Variants in IGSF9 observed in about 807,000 individuals in gnomAD.
IGSF9 encodes the protein protein turtle homolog A.
IGSF9 carries 87 observed loss-of-function variants against 121.7 expected under a neutral mutation model. The ratio of observed to expected loss-of-function variants is 0.71; its 90% CI spans 0.60 to 0.85. The LOEUF is 0.85. IGSF9 is among the 40% of genes least tolerant of loss of function. IGSF9 has a pLI of 0.00. For missense variants in IGSF9, 1,462 were observed against 1,565.3 expected, an observed-to-expected ratio of 0.93 and a Z score of 1.11; for synonymous variants, 640 against 648.4, an observed-to-expected ratio of 0.99 and a Z score of 0.20.
rs1195986934 is a variant in IGSF9 at position 159,930,879 on chromosome 1, G to A, written c.1638-12C>T. 1 of 1,591,282 alleles carries A rather than the reference G, an allele frequency of 6.3e-7. No homozygotes were observed. The highest frequency in any genetic ancestry group is 1.4e-5 in the African/African-American group (1 of 73,942). On this transcript the variant is annotated splice_polypyrimidine_tract_variant and intron_variant, in intron 13 of 20. Transcript: ENST00000368094. ...CAGGACGCTTGGCCCTGGGAGACAT[G>A]AGGACATGGGGGGCACCTCGTGAGC... is the stretch of plus-strand genomic sequence containing the variant.
Position 159,943,060 on chromosome 1 carries a change from G to A in IGSF9, c.150C>T (p.Pro50=). 2.5e-6 allele frequency: 4 copies of A among 1,613,216 alleles called. No individual in the cohort carries two copies. Among genetic ancestry groups the A allele is most frequent in the South Asian group, 1.1e-5 (1 of 90,928 alleles). Residue 50 remains proline (P), a synonymous_variant, in exon 3 of 21, where the codon CCC becomes CCT. Transcript: ENST00000368094. ...GCDLLPPAGR[P]PLHVIEWLRF... is the part of the protein sequence containing the mutation. ...GCAGCCACTCGATGACATGCAGGGG[G>A]GGCCGGCCGGCCGGGGGCAGCAGGT...
chr1:159,928,380 GTCC>G lies in IGSF9; in HGVS notation c.3005_3007del (p.Trp1002_Thr1003delinsSer). On this transcript the variant is annotated inframe_deletion, in exon 19 of 21. Transcript: ENST00000368094. The stretch of plus-strand genomic sequence containing the variant: ...GCCTGGCAGCAGCCGCTCCCTCAGT[GTCC>G]AGTCAGCCAGGGCTGTGTAAGGGGG... The G allele has an allele frequency of 6.2e-7, 1 of 1,609,328 alleles. No homozygotes were observed. The highest frequency in any genetic ancestry group is 8.5e-7 in the Non-Finnish European group (1 of 1,178,020).
rs1301560152 is a variant in IGSF9, at chr1:159,930,674, G to A, written c.1813+18C>T. On this transcript the variant is annotated intron_variant, in intron 14 of 20. Transcript: ENST00000368094. ...CCCCATCCTTGTCTCTGCTGTTCTG[G>A]GACGAGAAGCTTCTCACCTTCCGGA... 2 of 1,613,650 alleles carry A rather than the reference G, an allele frequency of 1.2e-6. No homozygotes were observed. The highest frequency in any genetic ancestry group is 2.2e-5 in the East Asian group (1 of 44,876).
chr1:159,940,656 AGAG>A (rs1338554121), intron 3 of IGSF9, among the ~76,000 whole-genome samples: 2 of 152,248 alleles, frequency 1.3e-5, no homozygotes, highest in African/African-American at 4.8e-5. Flanking sequence ...CTATGAAGCA[AGAG>A]GAGTAAGGAA....
intron 3 of IGSF9, 116 bp downstream of exon 3, chr1:159,942,847 G>T: frequency 2.5e-6 from 2 of 784,810 alleles, no homozygotes; most frequent in Non-Finnish European, 4.2e-6. Context: ...AGGCAGCAGA[G>T]CTGGAGATGA....
chr1:159,928,079 G>A (rs1650809630), intron 19 of IGSF9, 79 bp downstream of exon 19: 5 of 1,536,758 alleles, frequency 3.3e-6, no homozygotes, highest in Non-Finnish European at 3.5e-6. Flanking sequence ...AGCAGAGAAG[G>A]TGCAGGGTAT....
At position 159,936,496 on chromosome 1, in the gene IGSF9, C is replaced by G; in HGVS notation, c.576G>C (p.Arg192=). ...AGCTGCCTCGCTCTACCCGGCGGAT[C>G]CGCAGCGTCCCGTTCTGCACCTAGG... ...GQVQVQNGTL[R]IRRVERGSSG... Residue 192 remains arginine, a synonymous_variant, in exon 6 of 21, where the codon CGG becomes CGC. Coordinates refer to ENST00000368094, the MANE Select transcript of IGSF9 (RefSeq NM_001135050.2). The G allele has an allele frequency of 1.2e-6, 2 of 1,614,004 alleles. No homozygotes were observed. Among genetic ancestry groups the G allele is most frequent in the East Asian group, 4.5e-5 (2 of 44,888 alleles).
Position 159,943,134 on chromosome 1 carries a change from C to T in IGSF9, c.76G>A (p.Val26Met). The change falls in exon 3 of 21, where the codon GTG becomes ATG. Residue 26 changes from valine (V) to methionine (M), a missense_variant. This residue lies in a region of IGSF9 where 558 missense variants were observed against 599.4 expected (regional missense o/e 0.93). Transcript: ENST00000368094. ...CCAGCCCGGCCCACCACCGATACCA[C>T]CTCAGGCTTCCCTCGACCTGCATGA... is the stretch of plus-strand genomic sequence containing the variant. Reference protein sequence around the residue: ...QGADGRGKPEVVSVVGRAGES... With the variant: ...QGADGRGKPEMVSVVGRAGES... 6.3e-7 allele frequency: 1 copy of T among 1,594,986 alleles called. No individual in the cohort carries two copies.
chr1:159,934,277 C>T lies in IGSF9; in HGVS notation c.1017G>A (p.Pro339=), dbSNP rs370169762. The T allele has an allele frequency of 4.8e-5, 77 of 1,613,034 alleles. No individual in the cohort carries two copies. The highest frequency in any genetic ancestry group is 5.4e-5 in the Non-Finnish European group (64 of 1,179,590). ...PPETPLPIGM[P]GVIRCPVRAN... ...CACGAACCGGGCAGCGGATCACCCC[C>T]GGCATGCCTATGGGCAGGGGTGTCT... Residue 339 remains proline, a synonymous_variant, in exon 9 of 21, where the codon CCG becomes CCA. Coordinates refer to ENST00000368094, the MANE Select transcript of IGSF9 (RefSeq NM_001135050.2).
chr1:159,929,805 A>G lies in IGSF9; in HGVS notation c.2159T>C (p.Val720Ala). Residue 720 changes from valine to alanine, a missense_variant, in exon 17 of 21, where the codon GTC becomes GCC. Val to Ala is a moderately conservative substitution (Grantham distance 64, BLOSUM62 0). Transcript: ENST00000368094. ...CGGCAGCTGCGTGCGCGAAGGGTAG[A>G]CCTCCAGACCTAGGCAGGGGTCCAC... The part of the protein sequence containing the change: ...TANVSTSGLE[V>A]YPSRTQLPGL... The G allele has an allele frequency of 6.2e-7, 1 of 1,604,702 alleles. No individual in the cohort carries two copies. Among genetic ancestry groups the G allele is most frequent in the Non-Finnish European group, 8.5e-7 (1 of 1,176,486 alleles).
At chr1:159,934,354 T>G in intron 8 of IGSF9, 22 bp from the exon 9 acceptor site, 1 of 1,574,698 alleles carries the variant, frequency 6.4e-7, no homozygotes, top group Non-Finnish European at 8.6e-7. Flanking sequence ...TAGTGGCAAG[T>G]TGGGGGAGAG....
chr1:159,927,849 G>T lies in IGSF9; in HGVS notation c.3269C>A (p.Ser1090Ter). ...TSVDENYEWD[S>*]EFPGDMELLE... Reference sequence around the variant, plus strand: ...CAATTCCATGTCCCCAGGGAATTCTGAGTCCCACTCATAGTTCTCGTCCAC... The same window carrying T: ...CAATTCCATGTCCCCAGGGAATTCTTAGTCCCACTCATAGTTCTCGTCCAC... Residue 1090 changes from serine to a stop codon, truncating the protein, a stop_gained, in exon 20 of 21, where the codon TCA (serine) becomes TAA (stop). Transcript: ENST00000368094. LOFTEE classifies it high-confidence loss of function. 3 of 1,612,842 alleles carry T rather than the reference G, an allele frequency of 1.9e-6. No homozygotes were observed. The highest frequency in any genetic ancestry group is 2.5e-6 in the Non-Finnish European group (3 of 1,179,690).
At chr1:159,944,073 G>C (rs992535938) in intron 1 of IGSF9, among the ~76,000 whole-genome samples, 4 of 152,168 alleles carry the variant, frequency 2.6e-5, no homozygotes, top group Non-Finnish European at 4.4e-5. Flanking sequence ...ATAGCAGCAA[G>C]ATGGAACCAG....
rs749030074 is a variant in IGSF9, at chr1:159,943,171, A to G, written c.59-20T>C. ...CTCGACCTGCATGATGGGTGGCATG[A>G]GGGCACAACGGGGGGCTAGGGTCAG... is the stretch of plus-strand genomic sequence containing the variant. On this transcript the variant is annotated intron_variant, in intron 2 of 20. Transcript: ENST00000368094. 1 of 1,575,154 alleles carries G rather than the reference A, an allele frequency of 6.3e-7. No individual in the cohort carries two copies. Among genetic ancestry groups the G allele is most frequent in the Admixed American group, 2.0e-5 (1 of 49,968 alleles).
rs980050293 is a variant in IGSF9, at chr1:159,936,618, G to A, written c.556-102C>T. ...AGGGAGGCAGCACCCCAGGCTCGGG[G>A]CAAACAATGCCAAGCCCTTCTTCTG... On this transcript the variant is annotated intron_variant, in intron 5 of 20. Transcript: ENST00000368094. The A allele has an allele frequency of 5.1e-5, 77 of 1,518,600 alleles. 1 individual carries two copies. In the East Asian group the frequency reaches 1.6e-3, roughly 32 times the overall value. The allele number at this position is 1,518,600 out of a possible 1,614,324, so 94.1% of individuals were successfully genotyped here. A position where few individuals can be genotyped will look rare whatever the true frequency, so the allele number is the denominator to read the frequency against.
chr1:159,931,962 C>G lies in IGSF9; in HGVS notation c.1246-34G>C. The G allele has an allele frequency of 7.3e-7, 1 of 1,364,902 alleles. No individual in the cohort carries two copies. The highest frequency in any genetic ancestry group is 1.0e-6 in the Non-Finnish European group (1 of 976,312). 84.5% of individuals were successfully genotyped at this position (1,364,902 alleles called of 1,614,324 possible). A position where few individuals can be genotyped will look rare whatever the true frequency, so the allele number is the denominator to read the frequency against. ...CAGATCTGGCATTGGGAGGGGCCCT[C>G]TCTTACATCTAAGGCTGGCTACTCC... On this transcript the variant is annotated intron_variant, in intron 10 of 20. Coordinates refer to ENST00000368094, the MANE Select transcript of IGSF9 (RefSeq NM_001135050.2). This position sits in a 1 kb window ranked among gnomAD's most constrained non-coding sequence, Gnocchi z 4.8.
In IGSF9 at chr1:159,943,044, C is replaced by A; in HGVS notation, c.166G>T (p.Glu56Ter). 6.2e-7 allele frequency: 1 copy of A among 1,613,240 alleles called. No homozygotes were observed. The highest frequency in any genetic ancestry group is 8.5e-7 in the Non-Finnish European group (1 of 1,179,642). ...PAGRPPLHVI[E>*]WLRFGFLLPI... ...AGCAGGAATCCAAAGCGCAGCCACT[C>A]GATGACATGCAGGGGGGGCCGGCCG... The change falls in exon 3 of 21, where the codon GAG becomes TAG. Residue 56 changes from glutamate to a stop codon, truncating the protein, a stop_gained. Coordinates refer to ENST00000368094, the MANE Select transcript of IGSF9 (RefSeq NM_001135050.2). LOFTEE classifies it high-confidence loss of function.
Position 159,929,269 on chromosome 1 carries a change from T to C in IGSF9, c.2369+82A>G, listed in dbSNP as rs1222096355. The C allele has an allele frequency of 3.3e-6, 5 of 1,519,346 alleles. No individual in the cohort carries two copies. The East Asian group carries it at 1.1e-4, about 34-fold the overall frequency. 94.1% of individuals were successfully genotyped at this position (1,519,346 alleles called of 1,614,324 possible). A position where few individuals can be genotyped will look rare whatever the true frequency, so the allele number is the denominator to read the frequency against. ...TCCCCAACACCCAACATCCCCCTGG[T>C]AAAGATGCAAAAAAGGAAGCAGAAG... is the stretch of plus-strand genomic sequence containing the variant. On this transcript the variant is annotated intron_variant, in intron 18 of 20. Coordinates refer to ENST00000368094, the MANE Select transcript of IGSF9 (RefSeq NM_001135050.2).
At chr1:159,941,184 C>T (rs1011812708) in intron 3 of IGSF9, among the ~76,000 whole-genome samples, 6 of 152,192 alleles carry the variant, frequency 3.9e-5, no homozygotes, top group Non-Finnish European at 8.8e-5. Flanking sequence ...CTCAGGGTTC[C>T]GCACACATTC....
Sources: allele counts gnomAD v4.1 joint callset (sites outside exome capture counted in the v4.1 genomes callset), GRCh38; gene constraint gnomAD v4.1.1; regional missense constraint gnomAD v4.1.1; non-coding constraint Gnocchi (gnomAD v3.1); transcripts MANE v1.5; gene names NCBI Gene and HGNC (gene_info 2026-07-23, HGNC 2026-07-21).